Variants in SLC15A5 observed in about 807,000 individuals in gnomAD.
The protein encoded by SLC15A5 is solute carrier family 15 member 5, also known as Peptide/histidine transporter ENSP00000340402.
Under a neutral mutation model 56.1 loss-of-function variants are expected in SLC15A5, and 58 were observed. That is an observed-to-expected ratio of 1.03 (90% CI 0.84 to 1.29). The LOEUF (loss-of-function observed/expected upper bound fraction) is 1.29, where lower values mean the gene tolerates loss of function less well. SLC15A5 is among the 50% of genes most tolerant of loss of function. The pLI is 0.00. For synonymous variants in SLC15A5, 264 were observed against 250.5 expected, an observed-to-expected ratio of 1.05 and a Z score of -0.51; for missense variants, 681 against 672.1, an observed-to-expected ratio of 1.01 and a Z score of -0.15.
intron 4 of SLC15A5, among the ~76,000 whole-genome samples, chr12:16,241,987 T>G (rs1864418486): frequency 6.6e-6 from 1 of 152,216 alleles, no homozygotes; most frequent in South Asian, 2.1e-4. Context: ...TTTTAAATAC[T>G]TTTATTTCAT....
chr12:16,253,719 G>T (rs61915934), intron 3 of SLC15A5, among the ~76,000 whole-genome samples: 25,971 of 151,718 alleles, frequency 0.17, 2,469 homozygotes, highest in Middle Eastern at 0.22. Flanking sequence ...ATAATAATAA[G>T]AAGATGTCAC....
chr12:16,272,863 T>C, intron 1 of SLC15A5, 80 bp from the exon 2 acceptor site: 1 of 1,220,436 alleles, frequency 8.2e-7, no homozygotes, highest in Non-Finnish European at 1.2e-6. Flanking sequence ...AGGGTTTTTC[T>C]CTGACAGTGG....
chr12:16,275,913 C>G (rs1864813642), intron 1 of SLC15A5, among the ~76,000 whole-genome samples: 1 of 151,894 alleles, frequency 6.6e-6, no homozygotes, highest in African/African-American at 2.4e-5. Flanking sequence ...AACTTTTTCT[C>G]GGTACCAAGT....
At chr12:16,270,854 A>G (rs74065841) in intron 2 of SLC15A5, among the ~76,000 whole-genome samples, 2,255 of 152,262 alleles carry the variant, frequency 0.015, 72 homozygotes, top group African/African-American at 0.052. Flanking sequence ...AACATTCATA[A>G]AAGTTGGCCT....
intron 1 of SLC15A5, among the ~76,000 whole-genome samples, chr12:16,276,944 T>G (rs1864826860): frequency 6.6e-6 from 1 of 152,072 alleles, no homozygotes. Context: ...AAAAACCTTT[T>G]TTAGCACATT....
chr12:16,273,592 G>A (rs1157763704), intron 1 of SLC15A5, among the ~76,000 whole-genome samples: 2 of 151,934 alleles, frequency 1.3e-5, no homozygotes, highest in Non-Finnish European at 2.9e-5. Flanking sequence ...GAAAAACTTT[G>A]TGATGTGAGT....
chr12:16,224,299 G>T (rs945025860), intron 6 of SLC15A5, 115 bp downstream of exon 6: 11 of 905,622 alleles, frequency 1.2e-5, no homozygotes, highest in South Asian at 2.5e-5. Context: ...AGTATTGTGG[G>T]AACTCTCTAG....
At chr12:16,276,224 T>TAA in intron 1 of SLC15A5, among the ~76,000 whole-genome samples, 1 of 152,124 alleles carries the variant, frequency 6.6e-6, no homozygotes, top group East Asian at 1.9e-4. Context: ...AGGTTTGACT[T>TAA]AAACTCCAAT....
chr12:16,237,023 A>G lies in SLC15A5; in HGVS notation c.1162+2658T>C, dbSNP rs1319348677. ...GGTTTATCATGAGATTAAATGTAAT[A>G]TGTGTATGAAGGTTCCTAAATTCAA... On this transcript the variant is annotated intron_variant, in intron 5 of 8. Coordinates refer to ENST00000344941, the MANE Select transcript of SLC15A5 (RefSeq NM_001170798.1). This position sits in a 1 kb window ranked among gnomAD's most constrained non-coding sequence, Gnocchi z 4.1. Among the ~76,000 whole-genome samples, 2 of 152,214 alleles carry G rather than the reference A, an allele frequency of 1.3e-5. No homozygotes were observed. The highest frequency in any genetic ancestry group is 2.9e-5 in the Non-Finnish European group (2 of 68,018).
chr12:16,270,994 A>T (rs1306340958), intron 2 of SLC15A5, among the ~76,000 whole-genome samples: 1 of 152,228 alleles, frequency 6.6e-6, no homozygotes, highest in African/African-American at 2.4e-5. Flanking sequence ...ACATTTCTAG[A>T]TGCTTTAAAT....
rs1341037402 is a variant in SLC15A5 at position 16,267,908 on chromosome 12, A to T, written c.584+4653T>A. ...TTCACCCCACCATGCCTGGGTAATTAAAAAAAAATGTTTTTTTGGTAGAGA... is the reference window on the plus strand; with the variant it reads ...TTCACCCCACCATGCCTGGGTAATTTAAAAAAAATGTTTTTTTGGTAGAGA... On this transcript the variant is annotated intron_variant, in intron 2 of 8. Transcript: ENST00000344941. Among the ~76,000 whole-genome samples the T allele has an allele frequency of 1.2e-3, 11 of 9,216 alleles. 3 individuals are homozygous for T. The highest frequency in any genetic ancestry group is 1.9e-3 in the African/African-American group (11 of 5,912). The allele number at this position is 9,216 out of a possible 152,430, so 6.0% of individuals were successfully genotyped here.
At chr12:16,240,911 C>A (rs1297225167) in intron 4 of SLC15A5, among the ~76,000 whole-genome samples, 1 of 152,012 alleles carries the variant, frequency 6.6e-6, no homozygotes, top group African/African-American at 2.4e-5. Context: ...CTCCCAGGTT[C>A]ACGCCATTCT....
At chr12:16,223,000 A>C (rs1864202156) in intron 6 of SLC15A5, among the ~76,000 whole-genome samples, 1 of 152,138 alleles carries the variant, frequency 6.6e-6, no homozygotes, top group South Asian at 2.1e-4. Flanking sequence ...TGTATGCAAA[A>C]TATATGGGAT....
At chr12:16,276,718 C>T (rs913105014) in intron 1 of SLC15A5, among the ~76,000 whole-genome samples, 1 of 151,886 alleles carries the variant, frequency 6.6e-6, no homozygotes, top group African/African-American at 2.4e-5. Flanking sequence ...GATATTTTCC[C>T]AGCATTTCTC....
At chr12:16,251,140 A>C (rs1864514921) in intron 3 of SLC15A5, among the ~76,000 whole-genome samples, 2 of 152,050 alleles carry the variant, frequency 1.3e-5, no homozygotes, top group Non-Finnish European at 2.9e-5. Context: ...CTGGACACAG[A>C]TTAAAACAAA....
intron 5 of SLC15A5, among the ~76,000 whole-genome samples, chr12:16,239,298 A>G (rs1035561023): frequency 2.0e-5 from 3 of 152,240 alleles, no homozygotes; most frequent in African/African-American, 7.2e-5. Flanking sequence ...TCCTTAATCA[A>G]TTTTGTTACC....
chr12:16,260,066 A>G (rs1364854117), intron 2 of SLC15A5, among the ~76,000 whole-genome samples: 3 of 152,208 alleles, frequency 2.0e-5, no homozygotes, highest in East Asian at 1.9e-4. Flanking sequence ...TGCTGAAACT[A>G]TTAGGCCAGG....
At chr12:16,231,291 C>A (rs113396292) in intron 5 of SLC15A5, among the ~76,000 whole-genome samples, 7 of 152,226 alleles carry the variant, frequency 4.6e-5, no homozygotes, top group Admixed American at 2.0e-4. Flanking sequence ...TTTTAATTTT[C>A]TTTCTCATTC....
At chr12:16,250,413 A>C (rs1040342035) in intron 3 of SLC15A5, among the ~76,000 whole-genome samples, 1 of 152,062 alleles carries the variant, frequency 6.6e-6, no homozygotes, top group African/African-American at 2.4e-5. Context: ...TAAAAATAAA[A>C]TAACATTGGT....
Sources: allele counts gnomAD v4.1 joint callset (sites outside exome capture counted in the v4.1 genomes callset), GRCh38; gene constraint gnomAD v4.1.1; non-coding constraint Gnocchi (gnomAD v3.1); transcripts MANE v1.5; gene names NCBI Gene and HGNC (gene_info 2026-07-23, HGNC 2026-07-21).